ROBO1: variants seen among roughly 807,000 people sequenced by gnomAD.
ROBO1 encodes the protein roundabout homolog 1.
Under a neutral mutation model 195.9 loss-of-function variants are expected in ROBO1, and 149 were observed. The observed-to-expected ratio is 0.76, with a 90% confidence interval of 0.67 to 0.87. The LOEUF (loss-of-function observed/expected upper bound fraction) is 0.87, where lower values mean the gene tolerates loss of function less well. Among genes scored for constraint, ROBO1 ranks in the 40% least tolerant of loss-of-function variants. The pLI, the probability that ROBO1 is intolerant of heterozygous loss-of-function variation, is 0.00. For synonymous variants in ROBO1, 816 were observed against 733.2 expected (o/e 1.11, Z -1.82); for missense variants, 1,933 against 2,068.3 (o/e 0.93, Z 1.27).
At chr3:79,588,852 G>A (rs1268822258) in intron 2 of ROBO1, among the ~76,000 whole-genome samples, 1 of 151,562 alleles carries the variant, frequency 6.6e-6, no homozygotes, top group Non-Finnish European at 1.5e-5. Context: ...TAAATCATTT[G>A]TTTTTGTTTA....
At chr3:78,820,677 G>A (rs997721548) in intron 4 of ROBO1, among the ~76,000 whole-genome samples, 1 of 152,124 alleles carries the variant, frequency 6.6e-6, no homozygotes, top group Non-Finnish European at 1.5e-5. Context: ...CTAGATCTAT[G>A]CTTGGTTTCT....
At chr3:78,963,043 A>G (rs2041463866) in intron 3 of ROBO1, among the ~76,000 whole-genome samples, 1 of 151,522 alleles carries the variant, frequency 6.6e-6, no homozygotes, top group Non-Finnish European at 1.5e-5. Flanking sequence ...GTATCTTAGT[A>G]TCTTCCAGGT....
intron 2 of ROBO1, among the ~76,000 whole-genome samples, chr3:79,153,065 A>G (rs2080799999): frequency 6.6e-6 from 1 of 151,764 alleles, no homozygotes; most frequent in Admixed American, 6.6e-5. Context: ...TATATTTAAA[A>G]AATACTACCT....
chr3:79,464,996 A>C (rs998079806), intron 2 of ROBO1, among the ~76,000 whole-genome samples: 47 of 152,286 alleles, frequency 3.1e-4, no homozygotes, highest in South Asian at 2.1e-4. Context: ...CTAATCCTTA[A>C]AGAATGTGTG....
intron 2 of ROBO1, among the ~76,000 whole-genome samples, chr3:79,293,494 C>T (rs538443365): frequency 1.3e-3 from 204 of 152,144 alleles, no homozygotes; most frequent in Middle Eastern, 3.4e-3. Flanking sequence ...TAGATCTTTC[C>T]CATTTTCTCC....
intron 2 of ROBO1, among the ~76,000 whole-genome samples, chr3:79,215,430 G>GA (rs1365211698): frequency 6.6e-6 from 1 of 152,000 alleles, no homozygotes; most frequent in Non-Finnish European, 1.5e-5. Context: ...AGGAGTTTGT[G>GA]ATATATCTTC....
At chr3:78,728,743 C>T (rs1184790856) in intron 5 of ROBO1, among the ~76,000 whole-genome samples, 4 of 152,152 alleles carry the variant, frequency 2.6e-5, no homozygotes, top group Non-Finnish European at 2.9e-5. Context: ...GACAGCATTG[C>T]ATGAAGAAAA....
chr3:79,237,052 A>T (rs2082419865), intron 2 of ROBO1, among the ~76,000 whole-genome samples: 1 of 152,244 alleles, frequency 6.6e-6, no homozygotes, highest in Non-Finnish European at 1.5e-5. Flanking sequence ...GTTATAAATC[A>T]TCTCAAAATA....
intron 4 of ROBO1, among the ~76,000 whole-genome samples, chr3:78,871,552 C>T (rs766758803): frequency 1.3e-5 from 2 of 152,030 alleles, no homozygotes; most frequent in East Asian, 3.9e-4. Flanking sequence ...AGATGACATA[C>T]ATTTTACTAT....
chr3:78,973,470 CTA>C (rs1010411232), intron 3 of ROBO1, among the ~76,000 whole-genome samples: 5 of 139,176 alleles, frequency 3.6e-5, no homozygotes, highest in South Asian at 2.2e-4. Flanking sequence ...ATATAAGAAG[CTA>C]TATATATATT....
At chr3:79,180,553 A>C (rs144573619) in intron 2 of ROBO1, among the ~76,000 whole-genome samples, 1 of 152,272 alleles carries the variant, frequency 6.6e-6, no homozygotes, top group East Asian at 1.9e-4. Context: ...CCTTGTTCAA[A>C]TCTTGGCTCC....
At chr3:79,202,803 T>C (rs757059256) in intron 2 of ROBO1, among the ~76,000 whole-genome samples, 9 of 152,072 alleles carry the variant, frequency 5.9e-5, no homozygotes, top group Non-Finnish European at 1.3e-4. Context: ...ACTTTTTAGT[T>C]CCTTAAGCCT....
chr3:78,916,465 T>C (rs2038596232), intron 4 of ROBO1, among the ~76,000 whole-genome samples: 1 of 149,538 alleles, frequency 6.7e-6, no homozygotes, highest in African/African-American at 2.5e-5. Flanking sequence ...GACAGGAGAA[T>C]TGCTTGAACC....
chr3:79,336,770 A>G (rs1044512153), intron 2 of ROBO1, among the ~76,000 whole-genome samples: 9 of 152,200 alleles, frequency 5.9e-5, no homozygotes, highest in African/African-American at 1.9e-4. Context: ...CACCTGTAAA[A>G]GCATCAGACA....
intron 2 of ROBO1, among the ~76,000 whole-genome samples, chr3:79,572,123 T>C (rs2107750895): frequency 6.6e-6 from 1 of 152,192 alleles, no homozygotes; most frequent in South Asian, 2.1e-4. Flanking sequence ...CTGCACATTG[T>C]GCACATGTAC....
At chr3:78,662,203 C>A (rs1323429281) in intron 14 of ROBO1, 89 bp from the exon 15 acceptor site, 32 of 1,139,992 alleles carry the variant, frequency 2.8e-5, no homozygotes, top group South Asian at 1.1e-4. Context: ...TCATTCATAG[C>A]AACTCTCAGT....
intron 4 of ROBO1, among the ~76,000 whole-genome samples, chr3:78,930,150 T>C (rs901669074): frequency 5.9e-5 from 9 of 152,268 alleles, no homozygotes; most frequent in South Asian, 2.1e-4. Flanking sequence ...TCCCTAACTA[T>C]ACAAAGAAGT....
intron 2 of ROBO1, among the ~76,000 whole-genome samples, chr3:79,533,316 T>C (rs980560966): frequency 3.3e-5 from 5 of 152,178 alleles, no homozygotes; most frequent in African/African-American, 9.6e-5. Flanking sequence ...AAAATTATTT[T>C]TAAACATTTG....
rs375859116 is a variant in ROBO1 at position 79,444,095 on chromosome 3, GT to G, written c.88+145728del. On this transcript the variant is annotated intron_variant, in intron 2 of 30. Transcript: ENST00000464233. Reference sequence around the variant, plus strand: ...GAATATCTTTATCACCTTGGAAGGAGTTTTTTTAGAACAAACCTCACAGTTA... The same window carrying G: ...GAATATCTTTATCACCTTGGAAGGAGTTTTTTAGAACAAACCTCACAGTTA... Among the ~76,000 whole-genome samples the G allele has an allele frequency of 2.4e-3, 359 of 152,064 alleles. 2 individuals are homozygous for G. Among genetic ancestry groups the G allele is most frequent in the African/African-American group, 7.9e-3 (330 of 41,512 alleles).
Sources: gnomAD v4.1 joint callset for allele counts (sites outside exome capture counted in the v4.1 genomes callset) on GRCh38, gnomAD v4.1.1 for gene constraint, MANE v1.5 for transcripts, NCBI Gene and HGNC (gene_info 2026-07-23, HGNC 2026-07-21) for gene names.